Variants in ARCN1 observed in about 807,000 individuals in gnomAD.
The protein encoded by ARCN1 is archain 1 coat protein complex I subunit delta.
In ARCN1, 5 loss-of-function variants were observed where a neutral mutation model predicts 60.4. The ratio of observed to expected loss-of-function variants is 0.08; its 90% confidence interval spans 0.04 to 0.17. The LOEUF (loss-of-function observed/expected upper bound fraction) is 0.17, where lower values mean the gene tolerates loss of function less well. Among genes scored for constraint, ARCN1 ranks in the 10% least tolerant of loss-of-function variants. The pLI is 1.00. For synonymous variants in ARCN1, 224 were observed against 220.0 expected (o/e 1.02, Z -0.16); for missense variants, 464 against 626.5 (o/e 0.74, Z 2.77).
At chr11:118,578,503 A>G (rs1555074088) in intron 1 of ARCN1, among the ~76,000 whole-genome samples, 1 of 152,142 alleles carries the variant, frequency 6.6e-6, no homozygotes, top group Non-Finnish European at 1.5e-5. Context: ...AAATTCTAAC[A>G]TAGAGGACCA....
rs782391205 is a variant in ARCN1, at chr11:118,597,839, T to C, written c.1374T>C (p.Ile458=). Residue 458 remains isoleucine, a synonymous_variant, in exon 9 of 10, where the codon ATT becomes ATC. Coordinates refer to ENST00000264028, the MANE Select transcript of ARCN1 (RefSeq NM_001655.5). The part of the protein sequence containing the change: ...KNKSGSLEFS[I]AGQPNDFFPV... ...AGAGTGGCAGCCTGGAGTTTAGCAT[T>C]GCTGGGCAGCCCAATGACTTCTTCC... The C allele has an allele frequency of 6.2e-7, 1 of 1,614,208 alleles. No individual in the cohort carries two copies. Among genetic ancestry groups the C allele is most frequent in the East Asian group, 2.2e-5 (1 of 44,890 alleles).
chr11:118,589,863 G>C (rs1244748105), intron 5 of ARCN1, among the ~76,000 whole-genome samples: 1 of 152,194 alleles, frequency 6.6e-6, no homozygotes, highest in Non-Finnish European at 1.5e-5. Context: ...TTGAAGAATT[G>C]CTGTATCAAA....
chr11:118,578,817 C>T (rs1277859193), intron 1 of ARCN1, among the ~76,000 whole-genome samples: 2 of 143,844 alleles, frequency 1.4e-5, no homozygotes, highest in African/African-American at 2.6e-5. Flanking sequence ...CTGAGGTGTG[C>T]GGATCACTTT....
intron 2 of ARCN1, among the ~76,000 whole-genome samples, chr11:118,582,632 A>G (rs1436161253): frequency 6.6e-6 from 1 of 151,208 alleles, no homozygotes; most frequent in Non-Finnish European, 1.5e-5. Flanking sequence ...AGGCTGAGGC[A>G]TGAGAATTGC....
Position 118,584,936 on chromosome 11 carries a change from C to T in ARCN1, c.818+292C>T, listed in dbSNP as rs1002684811. 7.9e-5 allele frequency among the ~76,000 whole-genome samples: 12 copies of T among 152,176 alleles called. No individual in the cohort carries two copies. In the East Asian group the frequency reaches 2.3e-3, roughly 29 times the overall value. On this transcript the variant is annotated intron_variant, in intron 5 of 9. Transcript: ENST00000264028. ...TCCCTCCCAGGTTCACGCCATTCTC[C>T]TGCCTCAGCCTCCCGAGTAGCTGGG...
rs970634317 is a variant in ARCN1, at chr11:118,600,863, A to T, written c.*149A>T. On this transcript the variant is annotated 3_prime_UTR_variant, in exon 10 of 10. Transcript: ENST00000264028. The stretch of plus-strand genomic sequence containing the variant: ...GATTCTCTGCGCGCAAGGACCCTCG[A>T]CTCACCCCCATGTTTCAGTGTCACA... 8.2e-5 allele frequency: 43 copies of T among 522,570 alleles called. No homozygotes were observed. Among genetic ancestry groups the T allele is most frequent in the Admixed American group, 7.9e-4 (22 of 27,716 alleles). 32.4% of individuals were successfully genotyped at this position (522,570 alleles called of 1,614,324 possible). A position where few individuals can be genotyped will look rare whatever the true frequency, so the allele number is the denominator to read the frequency against.
intron 2 of ARCN1, 96 bp from the exon 3 acceptor site, chr11:118,583,083 A>T: frequency 7.4e-7 from 1 of 1,349,838 alleles, no homozygotes; most frequent in Non-Finnish European, 1.0e-6. Flanking sequence ...AAAGGGATTT[A>T]GGTTATTGAA....
rs1455903916 is a variant in ARCN1 at position 118,577,255 on chromosome 11, T to TC, written c.4-3991_4-3990insC. 2.6e-5 allele frequency among the ~76,000 whole-genome samples: 4 copies of TC among 151,638 alleles called. 1 individual carries two copies. Among genetic ancestry groups the TC allele is most frequent in the African/African-American group, 9.7e-5 (4 of 41,326 alleles). On this transcript the variant is annotated intron_variant, in intron 1 of 9. Transcript: ENST00000264028. The stretch of plus-strand genomic sequence containing the variant: ...CTGTTTCTTTCTTTCTTTCTTTCTT[T>TC]TTTTTTTTTGAGGCAGAGTCTCACT...
intron 1 of ARCN1, among the ~76,000 whole-genome samples, chr11:118,578,040 T>C (rs184234427): frequency 6.6e-6 from 1 of 152,160 alleles, no homozygotes. Flanking sequence ...CCTGTGCCTG[T>C]AGTCCCAGTT....
intron 1 of ARCN1, 137 bp from the exon 2 acceptor site, chr11:118,581,109 G>T (rs1464693157): frequency 8.9e-7 from 1 of 1,122,244 alleles, no homozygotes; most frequent in Non-Finnish European, 1.3e-6. Context: ...GACAGAGTGA[G>T]ACCCTGTCTT....
chr11:118,585,730 G>T (rs1938764121), intron 5 of ARCN1, among the ~76,000 whole-genome samples: 1 of 152,056 alleles, frequency 6.6e-6, no homozygotes, highest in Non-Finnish European at 1.5e-5. Context: ...GTAGAGATGG[G>T]GTTTTGCCTT....
intron 5 of ARCN1, among the ~76,000 whole-genome samples, chr11:118,588,642 C>T (rs1938827772): frequency 1.3e-5 from 2 of 151,934 alleles, no homozygotes; most frequent in Non-Finnish European, 2.9e-5. Flanking sequence ...ACCAGGAGTT[C>T]AAGGTTATAG....
At chr11:118,574,880 C>T (rs907905442) in intron 1 of ARCN1, among the ~76,000 whole-genome samples, 3 of 152,136 alleles carry the variant, frequency 2.0e-5, no homozygotes, top group Non-Finnish European at 4.4e-5. Context: ...AATCCTCCCG[C>T]CTCCATATCC....
rs1555078307 is a variant in ARCN1, at chr11:118,602,371, T to C, written c.*1657T>C. 5 of 153,842 alleles carry C rather than the reference T, an allele frequency of 3.3e-5. No homozygotes were observed. Among genetic ancestry groups the C allele is most frequent in the African/African-American group, 9.7e-5 (4 of 41,430 alleles). 9.5% of individuals were successfully genotyped at this position (153,842 alleles called of 1,614,324 possible). ...TCAGCCTTGGCTTTTAACTCAATATTCCAGTCCATAGGGGTGGTTAAAAGT... is the reference window on the plus strand; with the variant it reads ...TCAGCCTTGGCTTTTAACTCAATATCCCAGTCCATAGGGGTGGTTAAAAGT... On this transcript the variant is annotated 3_prime_UTR_variant, in exon 10 of 10. Coordinates refer to ENST00000264028, the MANE Select transcript of ARCN1 (RefSeq NM_001655.5).
chr11:118,590,232 T>G, intron 5 of ARCN1, 109 bp from the exon 6 acceptor site: 1 of 777,106 alleles, frequency 1.3e-6, no homozygotes, highest in Non-Finnish European at 2.0e-6. Context: ...CCACCTCAGG[T>G]GATCTGCCCG....
chr11:118,575,003 G>A (rs1476109843), intron 1 of ARCN1, among the ~76,000 whole-genome samples: 3 of 151,978 alleles, frequency 2.0e-5, no homozygotes, highest in Admixed American at 6.6e-5. Flanking sequence ...TTTTCGAGAC[G>A]GATTCTCGCT....
At chr11:118,596,664 A>T (rs1374713374) in intron 8 of ARCN1, among the ~76,000 whole-genome samples, 2 of 152,148 alleles carry the variant, frequency 1.3e-5, no homozygotes, top group African/African-American at 4.8e-5. Context: ...AAAGCTGGTA[A>T]ATTTAGAATG....
At chr11:118,586,876 G>A (rs895993431) in intron 5 of ARCN1, among the ~76,000 whole-genome samples, 9 of 146,208 alleles carry the variant, frequency 6.2e-5, no homozygotes, top group African/African-American at 1.3e-4. Context: ...AAAAAAAAAT[G>A]TTGGAGATCA....
At position 118,601,038 on chromosome 11, in the gene ARCN1, T is replaced by C. The variant is rs1939135197; in HGVS notation, c.*324T>C. Reference sequence around the variant, plus strand: ...TCTACCTTTACCTAAGTTGCTCCTTTATTTTTATTTTATTATTATTATTAT... The same window carrying C: ...TCTACCTTTACCTAAGTTGCTCCTTCATTTTTATTTTATTATTATTATTAT... On this transcript the variant is annotated 3_prime_UTR_variant, in exon 10 of 10. Coordinates refer to ENST00000264028, the MANE Select transcript of ARCN1 (RefSeq NM_001655.5). 8.7e-6 allele frequency: 1 copy of C among 114,568 alleles called. No homozygotes were observed. The highest frequency in any genetic ancestry group is 1.7e-5 in the Non-Finnish European group (1 of 58,576). 7.1% of individuals were successfully genotyped at this position (114,568 alleles called of 1,614,324 possible).
Sources: allele counts gnomAD v4.1 joint callset (sites outside exome capture counted in the v4.1 genomes callset), GRCh38; gene constraint gnomAD v4.1.1; transcripts MANE v1.5; gene names NCBI Gene and HGNC (gene_info 2026-07-23, HGNC 2026-07-21).